NXPH2: variants seen among roughly 807,000 people sequenced by gnomAD.
NXPH2 encodes neurexophilin-2.
Under a neutral mutation model 19.8 loss-of-function variants are expected in NXPH2, and 5 were observed. The observed-to-expected ratio is 0.25, with a 90% CI of 0.13 to 0.53. The LOEUF (loss-of-function observed/expected upper bound fraction) is 0.53, where lower values mean the gene tolerates loss of function less well. NXPH2 is among the 20% of genes least tolerant of loss of function. The probability of loss-of-function intolerance (pLI) is 0.96; values close to 1 mark genes in which losing one functional copy is unlikely to be tolerated. For missense variants in NXPH2, 289 were observed against 322.8 expected (o/e 0.90, Z 0.80); for synonymous variants, 154 against 127.4 (o/e 1.21, Z -1.41).
chr2:138,777,831 T>TAAAAAAAA (rs11299940), intron 1 of NXPH2, among the ~76,000 whole-genome samples: 16 of 92,954 alleles, frequency 1.7e-4, no homozygotes, highest in Non-Finnish European at 1.8e-4. Context: ...ACCAAAAAAT[T>TAAAAAAAA]AAAAAAAAAA....
intron 1 of NXPH2, among the ~76,000 whole-genome samples, chr2:138,706,922 G>GA (rs1377222544): frequency 2.7e-5 from 4 of 149,324 alleles, no homozygotes; most frequent in African/African-American, 5.0e-5. Context: ...CTAAAATAAA[G>GA]AAAAAAAAGT....
rs114214564 is a variant in NXPH2 at position 138,677,468 on chromosome 2, G to A, written c.52-5803C>T. ...TTAGCTTTTTCTGCGTCTTACAGAA[G>A]AGCTCAAAAAGATTAATAAATGCAG... is the stretch of plus-strand genomic sequence containing the variant. On this transcript the variant is annotated intron_variant, in intron 1 of 1. Transcript: ENST00000272641. Among the ~76,000 whole-genome samples, 442 of 152,260 alleles carry A rather than the reference G, an allele frequency of 2.9e-3. 1 individual carries two copies. The highest frequency in any genetic ancestry group is 0.01 in the African/African-American group (417 of 41,554).
At chr2:138,732,586 C>T (rs1681468856) in intron 1 of NXPH2, among the ~76,000 whole-genome samples, 1 of 152,170 alleles carries the variant, frequency 6.6e-6, no homozygotes. Context: ...CCTAAAAGCT[C>T]TGCTGTGCTG....
chr2:138,751,243 C>T (rs555243164), intron 1 of NXPH2, among the ~76,000 whole-genome samples: 17 of 152,248 alleles, frequency 1.1e-4, no homozygotes, highest in Admixed American at 1.1e-3. Flanking sequence ...CAGTACAGAT[C>T]ACACTCTGAG....
At chr2:138,709,109 G>A (rs1406611875) in intron 1 of NXPH2, among the ~76,000 whole-genome samples, 1 of 152,034 alleles carries the variant, frequency 6.6e-6, no homozygotes, top group African/African-American at 2.4e-5. Context: ...TCCAATCAAC[G>A]AGGAAGCTAT....
chr2:138,703,901 A>C (rs113475334), intron 1 of NXPH2, among the ~76,000 whole-genome samples: 22 of 152,338 alleles, frequency 1.4e-4, no homozygotes, highest in African/African-American at 5.3e-4. Flanking sequence ...AAAACATAAG[A>C]GGTTAGTCCT....
intron 1 of NXPH2, among the ~76,000 whole-genome samples, chr2:138,747,739 G>T (rs998653739): frequency 6.6e-6 from 1 of 152,160 alleles, no homozygotes; most frequent in Non-Finnish European, 1.5e-5. Context: ...AGGACTGGGG[G>T]AGTCCCCTCT....
intron 1 of NXPH2, among the ~76,000 whole-genome samples, chr2:138,715,278 G>T (rs765763060): frequency 6.6e-6 from 1 of 152,152 alleles, no homozygotes; most frequent in Non-Finnish European, 1.5e-5. Context: ...AAAAAGCAGA[G>T]ATTATTTTAT....
At chr2:138,764,663 A>ATCTC (rs150204252) in intron 1 of NXPH2, among the ~76,000 whole-genome samples, 350 of 152,330 alleles carry the variant, frequency 2.3e-3, no homozygotes, top group African/African-American at 7.9e-3. Flanking sequence ...CTATCTATCT[A>ATCTC]TGATGGTCAC....
At chr2:138,769,536 A>G (rs2104843350) in intron 1 of NXPH2, among the ~76,000 whole-genome samples, 1 of 152,318 alleles carries the variant, frequency 6.6e-6, no homozygotes, top group African/African-American at 2.4e-5. Flanking sequence ...AAGAAGAGTA[A>G]ATCAAAATAA....
intron 1 of NXPH2, among the ~76,000 whole-genome samples, chr2:138,734,291 A>G (rs1235467903): frequency 6.6e-6 from 1 of 152,216 alleles, no homozygotes; most frequent in East Asian, 1.9e-4. Context: ...GGGCAGGTCT[A>G]GAATTCACAG....
chr2:138,758,994 A>G (rs1681959126), intron 1 of NXPH2, among the ~76,000 whole-genome samples: 1 of 152,146 alleles, frequency 6.6e-6, no homozygotes, highest in Admixed American at 6.5e-5. Context: ...TTATAAAGCA[A>G]TTTGTGACCA....
At chr2:138,722,906 C>T (rs1224484140) in intron 1 of NXPH2, among the ~76,000 whole-genome samples, 1 of 152,134 alleles carries the variant, frequency 6.6e-6, no homozygotes, top group African/African-American at 2.4e-5. Context: ...TGCAAGTGCT[C>T]AACATATGCA....
At chr2:138,703,367 A>G (rs2104983408) in intron 1 of NXPH2, among the ~76,000 whole-genome samples, 1 of 152,340 alleles carries the variant, frequency 6.6e-6, no homozygotes, top group Middle Eastern at 3.4e-3. Flanking sequence ...ACCAATTTCA[A>G]GACAAAGCAC....
At chr2:138,721,688 A>C (rs891635484) in intron 1 of NXPH2, among the ~76,000 whole-genome samples, 5 of 152,164 alleles carry the variant, frequency 3.3e-5, no homozygotes, top group Admixed American at 3.3e-4. Context: ...ATAGCTACAG[A>C]AGAGACACAA....
chr2:138,776,106 C>T (rs887307388), intron 1 of NXPH2, among the ~76,000 whole-genome samples: 2 of 152,176 alleles, frequency 1.3e-5, no homozygotes, highest in Admixed American at 1.3e-4. Context: ...CACTAAACGA[C>T]TAAATCATTC....
At chr2:138,746,895 G>A (rs116330445) in intron 1 of NXPH2, among the ~76,000 whole-genome samples, 2,467 of 152,172 alleles carry the variant, frequency 0.016, 61 homozygotes, top group African/African-American at 0.055. Flanking sequence ...GACAGCAAAA[G>A]AGAAGTGACT....
At chr2:138,742,180 C>A (rs778100735) in intron 1 of NXPH2, among the ~76,000 whole-genome samples, 15 of 152,112 alleles carry the variant, frequency 9.9e-5, no homozygotes, top group Admixed American at 2.0e-4. Context: ...AGCTCCAGAT[C>A]TGGGGTGTCC....
intron 1 of NXPH2, among the ~76,000 whole-genome samples, chr2:138,718,014 A>G (rs1471998778): frequency 6.6e-6 from 1 of 152,122 alleles, no homozygotes; most frequent in East Asian, 1.9e-4. Flanking sequence ...AAATGCCATA[A>G]GAAATAAAAG....
Sources: allele counts gnomAD v4.1 joint callset (sites outside exome capture counted in the v4.1 genomes callset), GRCh38; gene constraint gnomAD v4.1.1; transcripts MANE v1.5; gene names NCBI Gene and HGNC (gene_info 2026-07-23, HGNC 2026-07-21).